ANKLE2: variants seen among roughly 807,000 people sequenced by gnomAD.
ANKLE2 encodes the protein ankyrin repeat and LEM domain-containing protein 2.
A neutral mutation model predicts 84.2 loss-of-function variants in ANKLE2; 55 were observed. The observed-to-expected ratio is 0.65, with a 90% CI of 0.53 to 0.82. ANKLE2 has a LOEUF of 0.82. ANKLE2 is among the 40% of genes least tolerant of loss of function. The pLI is 0.00. For missense variants in ANKLE2, 1,238 were observed against 1,201.9 expected (o/e 1.03, Z -0.44); for synonymous variants, 551 against 486.1 (o/e 1.13, Z -1.76).
chr12:132,730,017 T>A lies in ANKLE2; in HGVS notation c.2145A>T (p.Arg715Ser). 1.2e-6 allele frequency: 2 copies of A among 1,613,176 alleles called. No individual in the cohort carries two copies. The highest frequency in any genetic ancestry group is 1.7e-6 in the Non-Finnish European group (2 of 1,179,884). Reference sequence around the variant, plus strand: ...CTTCCTCCCCACGGGGGGCCTTTGGTCTCTTGCCCGCCAGGGTCCTGCTGT... The same window carrying A: ...CTTCCTCCCCACGGGGGGCCTTTGGACTCTTGCCCGCCAGGGTCCTGCTGT... ...LNHSRTLAGK[R>S]PKAPRGEEAH... The change falls in exon 11 of 13, where the codon AGA becomes AGT. Residue 715 changes from arginine to serine, a missense_variant. Arg to Ser is a moderately radical substitution (Grantham distance 110). Coordinates refer to ENST00000357997, the MANE Select transcript of ANKLE2 (RefSeq NM_015114.3).
At position 132,728,208 on chromosome 12, in the gene ANKLE2, A is replaced by G. The variant is rs762240222; in HGVS notation, c.2484-45T>C. 3.8e-6 allele frequency: 6 copies of G among 1,599,024 alleles called. No homozygotes were observed. In the East Asian group the frequency reaches 6.7e-5, roughly 18 times the overall value. On this transcript the variant is annotated intron_variant, in intron 11 of 12. Coordinates refer to ENST00000357997, the MANE Select transcript of ANKLE2 (RefSeq NM_015114.3). Reference sequence around the variant, plus strand: ...AAGCAAAAACATCTTTGGTAAAAACATAAAGACTTCTAAAATACCACTACT... The same window carrying G: ...AAGCAAAAACATCTTTGGTAAAAACGTAAAGACTTCTAAAATACCACTACT...
In ANKLE2 at chr12:132,734,554, C is replaced by T; in HGVS notation, c.1722G>A (p.Gly574=). 1 of 1,612,174 alleles carries T rather than the reference C, an allele frequency of 6.2e-7. No individual in the cohort carries two copies. Among genetic ancestry groups the T allele is most frequent in the South Asian group, 1.1e-5 (1 of 90,832 alleles). The change falls in exon 10 of 13, where the codon GGG becomes GGA. Residue 574 remains glycine (G), a synonymous_variant. Coordinates refer to ENST00000357997, the MANE Select transcript of ANKLE2 (RefSeq NM_015114.3). ...ATTCCCAGTATTCAACCCAGGGATA[C>T]CCCAGCTCATGAGCTAGCTCCCTGT... The part of the protein sequence containing the change: ...RVGRELAHEL[G]YPWVEYWEFL...
At chr12:132,752,329 A>T (rs965689712) in intron 2 of ANKLE2, among the ~76,000 whole-genome samples, 1 of 152,134 alleles carries the variant, frequency 6.6e-6, no homozygotes, top group Non-Finnish European at 1.5e-5. Context: ...ACAGACCGGG[A>T]CTCTGTCTCA....
At chr12:132,741,362 C>T (rs2044118876) in intron 7 of ANKLE2, 57 bp downstream of exon 7, 3 of 1,574,172 alleles carry the variant, frequency 1.9e-6, no homozygotes, top group Non-Finnish European at 2.6e-6. Context: ...TCCCCCAACG[C>T]TCCAAGGCCC....
intron 3 of ANKLE2, among the ~76,000 whole-genome samples, chr12:132,749,540 G>A (rs749535240): frequency 6.6e-6 from 1 of 152,226 alleles, no homozygotes; most frequent in Non-Finnish European, 1.5e-5. Context: ...AAGCCACTCT[G>A]GTTTCCATCC....
In ANKLE2 at chr12:132,728,105, C is replaced by T. The variant is rs373274502; in HGVS notation, c.2542G>A (p.Asp848Asn). 20 of 1,612,828 alleles carry T rather than the reference C, an allele frequency of 1.2e-5. No homozygotes were observed. Among genetic ancestry groups the T allele is most frequent in the Middle Eastern group, 1.6e-4 (1 of 6,084 alleles). ...VLAALECADV[D>N]PHQFPAVHRW... ...TGCACGGCCGGGAACTGATGGGGGTCGACGTCTGCACATTCAAGAGCGGCC... is the reference window on the plus strand; with the variant it reads ...TGCACGGCCGGGAACTGATGGGGGTTGACGTCTGCACATTCAAGAGCGGCC... Residue 848 changes from aspartate to asparagine, a missense_variant, in exon 12 of 13, where the codon GAC becomes AAC. Around this residue, in one of 3 missense-constraint regions of ANKLE2, gnomAD observed 802 missense variants for 774.5 expected, o/e 1.04. Transcript: ENST00000357997.
At chr12:132,752,786 T>TAAC (rs1357882983) in intron 2 of ANKLE2, among the ~76,000 whole-genome samples, 2 of 152,224 alleles carry the variant, frequency 1.3e-5, no homozygotes, top group Middle Eastern at 3.2e-3. Flanking sequence ...ACAATACTCA[T>TAAC]AACAGTGTGC....
Position 132,748,118 on chromosome 12 carries a change from A to C in ANKLE2, c.1041+20T>G, listed in dbSNP as rs764348691. ...ACGGCCGGGACCGCACACCTGCCCGAGGGAACCGCCGAGACCTACCTGCAC... is the reference window on the plus strand; with the variant it reads ...ACGGCCGGGACCGCACACCTGCCCGCGGGAACCGCCGAGACCTACCTGCAC... On this transcript the variant is annotated intron_variant, in intron 4 of 12. Transcript: ENST00000357997. 1 of 1,608,888 alleles carries C rather than the reference A, an allele frequency of 6.2e-7. No individual in the cohort carries two copies. Among genetic ancestry groups the C allele is most frequent in the Non-Finnish European group, 8.5e-7 (1 of 1,176,558 alleles).
intron 1 of ANKLE2, chr12:132,761,332 G>T (rs2044620303): frequency 3.6e-6 from 1 of 279,266 alleles, no homozygotes; most frequent in Non-Finnish European, 6.7e-6. Context: ...CTCCGCTAAC[G>T]CCTCGCCGGG....
At chr12:132,755,272 G>A (rs546341812) in intron 1 of ANKLE2, 139 bp from the exon 2 acceptor site, 38 of 778,734 alleles carry the variant, frequency 4.9e-5, no homozygotes, top group Non-Finnish European at 6.5e-5. Flanking sequence ...GGCTGGACGC[G>A]GTGGCTCACG....
chr12:132,730,636 A>C (rs1236483127), intron 10 of ANKLE2: 2 of 255,140 alleles, frequency 7.8e-6, no homozygotes, highest in Non-Finnish European at 7.7e-6. Flanking sequence ...TGCCTGGGCA[A>C]CATAGCGAAA....
rs2044631945 is a variant in ANKLE2, at chr12:132,761,764, G to A, written c.35C>T (p.Ala12Val). The A allele has an allele frequency of 3.4e-6, 4 of 1,186,076 alleles. No homozygotes were observed. The highest frequency in any genetic ancestry group is 7.6e-5 in the East Asian group (2 of 26,262). The allele number at this position is 1,186,076 out of a possible 1,614,324, so 73.5% of individuals were successfully genotyped here. Residue 12 changes from alanine (A) to valine (V), a missense_variant, in exon 1 of 13, where the codon GCG (alanine) becomes GTG (valine). By Grantham distance (64) the Ala-to-Val change is moderately conservative (BLOSUM62 0). This residue lies in a region of ANKLE2 where 422 missense variants were observed against 394.5 expected (regional missense o/e 1.07). Transcript: ENST00000357997. ...LWPRLAAAEW[A>V]ALAWELLGAS... is the part of the protein sequence containing the mutation. ...GCCCAGCAGCTCCCAGGCCAGCGCC[G>A]CCCACTCGGCCGCCGCCAGCCGCGG...
intron 10 of ANKLE2, 175 bp downstream of exon 10, chr12:132,734,210 A>C (rs2043957929): frequency 1.4e-6 from 1 of 702,670 alleles, no homozygotes; most frequent in Admixed American, 2.8e-5. Flanking sequence ...GCGCCACTGC[A>C]CTCCAGCTTG....
intron 10 of ANKLE2, chr12:132,732,068 A>T (rs570120027): frequency 6.8e-6 from 1 of 146,874 alleles, no homozygotes; most frequent in Non-Finnish European, 1.5e-5. Flanking sequence ...CACCGTGTGA[A>T]GCGCTTTGCG....
chr12:132,759,291 T>C (rs1368392926), intron 1 of ANKLE2: 3 of 152,212 alleles, frequency 2.0e-5, no homozygotes, highest in Non-Finnish European at 4.4e-5. Context: ...AGTTTAACCA[T>C]TTGAGTTATT....
At chr12:132,731,479 G>T (rs1336196900) in intron 10 of ANKLE2, 1 of 151,878 alleles carries the variant, frequency 6.6e-6, no homozygotes, top group East Asian at 1.9e-4. Context: ...GCGGGCTAAT[G>T]GTTCTATTAT....
intron 10 of ANKLE2, among the ~76,000 whole-genome samples, chr12:132,733,103 C>T (rs1196377073): frequency 2.1e-5 from 3 of 140,100 alleles, no homozygotes; most frequent in African/African-American, 8.1e-5. Flanking sequence ...AAGCTCTCTG[C>T]GTCCTGGTGT....
Position 132,734,535 on chromosome 12 carries a change from A to G in ANKLE2, c.1741T>C (p.Trp581Arg). The G allele has an allele frequency of 5.0e-6, 8 of 1,614,052 alleles. No homozygotes were observed. Among genetic ancestry groups the G allele is most frequent in the Non-Finnish European group, 6.8e-6 (8 of 1,179,976 alleles). Residue 581 changes from tryptophan (W) to arginine (R), a missense_variant, in exon 10 of 13, where the codon TGG becomes CGG. Physicochemically the swap from Trp to Arg is moderately radical, Grantham distance 101. Coordinates refer to ENST00000357997, the MANE Select transcript of ANKLE2 (RefSeq NM_015114.3). ...TCAACAAAACAGCCCAGAAATTCCC[A>G]GTATTCAACCCAGGGATACCCCAGC... Reference protein sequence around the residue: ...HELGYPWVEYWEFLGCFVDLS... With the variant: ...HELGYPWVEYREFLGCFVDLS...
chr12:132,754,932 G>T lies in ANKLE2; in HGVS notation c.383C>A (p.Thr128Lys). The change falls in exon 2 of 13, where the codon ACA becomes AAA. Residue 128 changes from threonine to lysine, a missense_variant. By Grantham distance (78) the Thr-to-Lys change is moderately conservative. Coordinates refer to ENST00000357997, the MANE Select transcript of ANKLE2 (RefSeq NM_015114.3). ...SSFYHHEAGV[T>K]ALSQDPQRIL... ...CCTTTGTGGGTCCTGGCTGAGAGCT[G>T]TGACACCTGCCTCATGGTGGTAGAA... 3.7e-6 allele frequency: 6 copies of T among 1,614,170 alleles called. No individual in the cohort carries two copies. The highest frequency in any genetic ancestry group is 5.1e-6 in the Non-Finnish European group (6 of 1,180,030).
Sources: gnomAD v4.1 joint callset for allele counts (sites outside exome capture counted in the v4.1 genomes callset) on GRCh38, gnomAD v4.1.1 for gene constraint, gnomAD v4.1.1 regional missense constraint, MANE v1.5 for transcripts, NCBI Gene and HGNC (gene_info 2026-07-23, HGNC 2026-07-21) for gene names.